Variants in NRG1 observed in about 807,000 individuals in gnomAD.
NRG1 encodes pro-neuregulin-1, membrane-bound isoform.
A neutral mutation model predicts 63.8 loss-of-function variants in NRG1; 18 were observed. That is an observed-to-expected ratio of 0.28 (90% confidence interval 0.19 to 0.42). The LOEUF (loss-of-function observed/expected upper bound fraction) is 0.42, where lower values mean the gene tolerates loss of function less well. Ranked by LOEUF, NRG1 falls within the 10% of genes least tolerant of loss-of-function variation. The pLI is 1.00. For missense variants in NRG1, 762 were observed against 814.7 expected, an observed-to-expected ratio of 0.94 and a Z score of 0.79; for synonymous variants, 302 against 301.3, an observed-to-expected ratio of 1.00 and a Z score of -0.02.
chr8:32,495,329 C>A (rs897606056), intron 1 of NRG1, among the ~76,000 whole-genome samples: 9 of 152,206 alleles, frequency 5.9e-5, no homozygotes, highest in African/African-American at 2.2e-4. Flanking sequence ...TGCTGTCTTG[C>A]CTGCCACCAT....
At chr8:32,634,945 A>T (rs1851045919) in intron 5 of NRG1, among the ~76,000 whole-genome samples, 1 of 152,180 alleles carries the variant, frequency 6.6e-6, no homozygotes, top group Non-Finnish European at 1.5e-5. Context: ...CACTTTTTCC[A>T]TCTGTAAAAT....
chr8:32,318,088 C>G (rs1186672464), intron 1 of NRG1, among the ~76,000 whole-genome samples: 1 of 152,100 alleles, frequency 6.6e-6, no homozygotes, highest in African/African-American at 2.4e-5. Context: ...TTCTAAAGTT[C>G]TCACAAGGTT....
intron 1 of NRG1, among the ~76,000 whole-genome samples, chr8:31,878,068 C>A (rs1830062377): frequency 6.6e-6 from 1 of 152,162 alleles, no homozygotes; most frequent in East Asian, 1.9e-4. Context: ...AACGACCTAT[C>A]TAAAGACAAT....
At chr8:32,615,782 T>G (rs1208289182) in intron 4 of NRG1, among the ~76,000 whole-genome samples, 1 of 151,902 alleles carries the variant, frequency 6.6e-6, no homozygotes, top group African/African-American at 2.4e-5. Flanking sequence ...AAGATATAAG[T>G]GTATGTGTGT....
intron 1 of NRG1, among the ~76,000 whole-genome samples, chr8:32,141,454 C>T (rs1836240322): frequency 6.6e-6 from 1 of 150,966 alleles, no homozygotes; most frequent in Non-Finnish European, 1.5e-5. Context: ...AAATTTTGGC[C>T]AGGGAAACAT....
chr8:32,251,053 TTTA>T (rs139569064), intron 1 of NRG1, among the ~76,000 whole-genome samples: 51 of 150,808 alleles, frequency 3.4e-4, no homozygotes, highest in African/African-American at 9.0e-4. Flanking sequence ...AATTGCCATA[TTTA>T]TTATTATTAT....
chr8:32,632,202 A>G (rs1850439137), intron 5 of NRG1, among the ~76,000 whole-genome samples: 1 of 152,182 alleles, frequency 6.6e-6, no homozygotes, highest in South Asian at 2.1e-4. Flanking sequence ...CGTTAATATA[A>G]AATAAGTGAG....
At chr8:32,772,022 T>A (rs1831840182), downstream of NRG1, among the ~76,000 whole-genome samples, 1 of 20,042 alleles carries the variant, frequency 5.0e-5, no homozygotes, top group African/African-American at 1.2e-4. Context: ...AAACTCCGTC[T>A]CAAAAAAAAA....
chr8:32,439,876 T>A (rs561118880), intron 1 of NRG1, among the ~76,000 whole-genome samples: 1 of 149,536 alleles, frequency 6.7e-6, no homozygotes, highest in Non-Finnish European at 1.5e-5. Flanking sequence ...GCTCAAGCAA[T>A]CCTCATCCTC....
At chr8:32,469,270 A>T (rs769517135) in intron 1 of NRG1, among the ~76,000 whole-genome samples, 6 of 152,238 alleles carry the variant, frequency 3.9e-5, no homozygotes, top group Non-Finnish European at 2.9e-5. Flanking sequence ...CATGTACAGC[A>T]GAAGGAGTTG....
intron 1 of NRG1, among the ~76,000 whole-genome samples, chr8:32,447,478 T>C (rs572210224): frequency 6.6e-6 from 1 of 152,136 alleles, no homozygotes; most frequent in Non-Finnish European, 1.5e-5. Context: ...ACAGAGGAAA[T>C]TGATAATCTT....
intron 1 of NRG1, among the ~76,000 whole-genome samples, chr8:32,093,308 A>C (rs1425801055): frequency 3.3e-5 from 5 of 152,200 alleles, no homozygotes; most frequent in Admixed American, 3.3e-4. Context: ...TTCAAAGGCA[A>C]GTGTCATGAA....
chr8:32,160,682 C>A (rs1429977009), intron 1 of NRG1, among the ~76,000 whole-genome samples: 4 of 152,212 alleles, frequency 2.6e-5, no homozygotes, highest in Non-Finnish European at 5.9e-5. Context: ...TGCTTAGGGA[C>A]ACTTCCTTTT....
chr8:32,059,748 T>C (rs1240548055), intron 1 of NRG1, among the ~76,000 whole-genome samples: 1 of 152,022 alleles, frequency 6.6e-6, no homozygotes, highest in Non-Finnish European at 1.5e-5. Flanking sequence ...TTTGCACTTA[T>C]TACAATATAC....
At chr8:31,943,842 T>C (rs1426817815) in intron 1 of NRG1, among the ~76,000 whole-genome samples, 1 of 152,210 alleles carries the variant, frequency 6.6e-6, no homozygotes, top group East Asian at 1.9e-4. Context: ...AGATTTCTTA[T>C]GGTCCCCAAC....
intron 1 of NRG1, among the ~76,000 whole-genome samples, chr8:32,268,528 A>C (rs1851222599): frequency 1.3e-5 from 2 of 152,180 alleles, no homozygotes; most frequent in African/African-American, 4.8e-5. Context: ...AACTTTCAAC[A>C]GGCTGATCAC....
chr8:32,398,951 A>G (rs1228825977), intron 1 of NRG1, among the ~76,000 whole-genome samples: 3 of 152,142 alleles, frequency 2.0e-5, no homozygotes, highest in Non-Finnish European at 4.4e-5. Flanking sequence ...ATATATTGCA[A>G]TATCATAGAA....
At chr8:32,611,358 C>G (rs894374604) in intron 3 of NRG1, among the ~76,000 whole-genome samples, 1 of 150,950 alleles carries the variant, frequency 6.6e-6, no homozygotes, top group Non-Finnish European at 1.5e-5. Flanking sequence ...ACCCCCTTTC[C>G]CAAATTGATA....
At chr8:32,433,214 A>T (rs1476490068) in intron 1 of NRG1, among the ~76,000 whole-genome samples, 2 of 152,190 alleles carry the variant, frequency 1.3e-5, no homozygotes, top group African/African-American at 2.4e-5. Context: ...AAATGGAAGG[A>T]ACAAGTGATG....
Sources: gnomAD v4.1 joint callset for allele counts (sites outside exome capture counted in the v4.1 genomes callset) on GRCh38, gnomAD v4.1.1 for gene constraint, MANE v1.5 for transcripts, NCBI Gene and HGNC (gene_info 2026-07-23, HGNC 2026-07-21) for gene names.